RBMS1: variants seen among roughly 807,000 people sequenced by gnomAD.
The protein encoded by RBMS1 is RNA binding motif single stranded interacting protein 1.
In RBMS1, 17 loss-of-function variants were observed where a neutral mutation model predicts 62.3. The observed-to-expected ratio is 0.27, with a 90% CI of 0.19 to 0.41. The LOEUF is 0.41. RBMS1 is among the 10% of genes least tolerant of loss of function. The pLI is 1.00. For missense variants in RBMS1, 334 were observed against 504.5 expected (o/e 0.66, Z 3.24); for synonymous variants, 172 against 170.0 (o/e 1.01, Z -0.09).
intron 1 of RBMS1, among the ~76,000 whole-genome samples, chr2:160,448,938 C>T (rs1043522478): frequency 2.0e-5 from 3 of 151,554 alleles, no homozygotes; most frequent in South Asian, 4.2e-4. Flanking sequence ...TGCCTCTGCC[C>T]GGTCGCCATC....
At chr2:160,417,492 A>ATCAC (rs1242253266) in intron 1 of RBMS1, among the ~76,000 whole-genome samples, 4 of 152,244 alleles carry the variant, frequency 2.6e-5, no homozygotes, top group Non-Finnish European at 4.4e-5. Context: ...AAAGAGAAGT[A>ATCAC]TCACACTCAT....
intron 4 of RBMS1, among the ~76,000 whole-genome samples, chr2:160,312,091 G>T (rs1053991071): frequency 2.0e-5 from 3 of 152,140 alleles, no homozygotes; most frequent in Admixed American, 1.3e-4. Flanking sequence ...AGTGGGGTTG[G>T]GGGGAGATGC....
chr2:160,356,891 T>G (rs550925687), intron 2 of RBMS1, among the ~76,000 whole-genome samples: 18 of 152,260 alleles, frequency 1.2e-4, no homozygotes, highest in South Asian at 6.2e-4. Flanking sequence ...CAACAAGCAT[T>G]AGACAATTTT....
chr2:160,344,424 A>G (rs893664559), intron 2 of RBMS1, among the ~76,000 whole-genome samples: 1 of 152,126 alleles, frequency 6.6e-6, no homozygotes, highest in African/African-American at 2.4e-5. Flanking sequence ...CCCATTCCCT[A>G]TCTATGATGT....
At chr2:160,449,644 C>T (rs539794962) in intron 1 of RBMS1, among the ~76,000 whole-genome samples, 2 of 152,196 alleles carry the variant, frequency 1.3e-5, no homozygotes, top group East Asian at 1.9e-4. Flanking sequence ...CCTTAAGAGT[C>T]ATCACCACTC....
chr2:160,278,808 G>T, intron 10 of RBMS1, 150 bp from the exon 11 acceptor site: 1 of 577,404 alleles, frequency 1.7e-6, no homozygotes. Flanking sequence ...ATCATAAACA[G>T]TTTCCTAAAA....
intron 2 of RBMS1, among the ~76,000 whole-genome samples, chr2:160,349,001 A>G (rs1257680352): frequency 6.6e-6 from 1 of 152,126 alleles, no homozygotes; most frequent in Non-Finnish European, 1.5e-5. Context: ...TAGAAAGATG[A>G]AGAGAAATCC....
intron 1 of RBMS1, among the ~76,000 whole-genome samples, chr2:160,446,389 C>G (rs1683647448): frequency 6.6e-6 from 1 of 152,224 alleles, no homozygotes; most frequent in South Asian, 2.1e-4. Context: ...GAGCCCATAT[C>G]TGTCTCCCTA....
chr2:160,450,962 G>A (rs150561018), intron 1 of RBMS1, among the ~76,000 whole-genome samples: 4 of 152,068 alleles, frequency 2.6e-5, no homozygotes, highest in African/African-American at 9.6e-5. Flanking sequence ...CACTTGAGGC[G>A]AGGGCAACAT....
chr2:160,461,006 C>T (rs1236151896), intron 1 of RBMS1, among the ~76,000 whole-genome samples: 1 of 152,240 alleles, frequency 6.6e-6, no homozygotes, highest in Non-Finnish European at 1.5e-5. Flanking sequence ...CGCCTGTAAT[C>T]CCAATACTTT....
At chr2:160,325,835 TA>T (rs1410174827) in intron 2 of RBMS1, among the ~76,000 whole-genome samples, 1 of 152,178 alleles carries the variant, frequency 6.6e-6, no homozygotes, top group African/African-American at 2.4e-5. Flanking sequence ...ATAGAAGATG[TA>T]AAAATTTATT....
chr2:160,447,019 G>A (rs1683682292), intron 1 of RBMS1, among the ~76,000 whole-genome samples: 3 of 152,236 alleles, frequency 2.0e-5, no homozygotes, highest in Non-Finnish European at 4.4e-5. Flanking sequence ...CAGGCAGCCT[G>A]AGAATGCAAA....
At chr2:160,388,315 A>G (rs1477152859) in intron 1 of RBMS1, among the ~76,000 whole-genome samples, 2 of 152,152 alleles carry the variant, frequency 1.3e-5, no homozygotes, top group East Asian at 3.8e-4. Flanking sequence ...ATTCCAGGTA[A>G]CCCAGATAGC....
chr2:160,357,533 T>C (rs1208572945), intron 2 of RBMS1, among the ~76,000 whole-genome samples: 1 of 151,980 alleles, frequency 6.6e-6, no homozygotes, highest in Non-Finnish European at 1.5e-5. Context: ...ATGAAGTAGG[T>C]ACTTGGTAAT....
chr2:160,408,194 C>T (rs979463795), intron 1 of RBMS1, among the ~76,000 whole-genome samples: 6 of 152,018 alleles, frequency 3.9e-5, no homozygotes, highest in Non-Finnish European at 8.8e-5. Flanking sequence ...CGGTTCTTTC[C>T]TAAGCACCAG....
intron 1 of RBMS1, among the ~76,000 whole-genome samples, chr2:160,416,649 AGGCAACT>A (rs1696222900): frequency 6.6e-6 from 1 of 152,184 alleles, no homozygotes; most frequent in South Asian, 2.1e-4. Context: ...CAGGTCGATC[AGGCAACT>A]TGCCCTCTGA....
chr2:160,471,719 C>A (rs1331987772), intron 1 of RBMS1, among the ~76,000 whole-genome samples: 2 of 14,254 alleles, frequency 1.4e-4, no homozygotes, highest in Admixed American at 8.8e-4. Context: ...ATATATATAA[C>A]CTTTCATACA....
chr2:160,285,261 T>TAA (rs796750881), intron 7 of RBMS1, among the ~76,000 whole-genome samples: 9 of 150,058 alleles, frequency 6.0e-5, no homozygotes, highest in Admixed American at 6.6e-5. Flanking sequence ...CCCTGTCTCT[T>TAA]AAAAAAAAAG....
chr2:160,353,656 A>G (rs542393341), intron 2 of RBMS1, among the ~76,000 whole-genome samples: 1 of 152,224 alleles, frequency 6.6e-6, no homozygotes, highest in East Asian at 1.9e-4. Flanking sequence ...GTAAAGTGGC[A>G]AATCAAGAAG....
Sources: gnomAD v4.1 joint callset for allele counts (sites outside exome capture counted in the v4.1 genomes callset) on GRCh38, gnomAD v4.1.1 for gene constraint, MANE v1.5 for transcripts, NCBI Gene and HGNC (gene_info 2026-07-23, HGNC 2026-07-21) for gene names.